The following KDM4B variants were observed in gnomAD, a reference collection of about 807,000 sequenced individuals.
KDM4B encodes the protein lysine demethylase 4B.
In KDM4B, 32 loss-of-function variants were observed where a neutral mutation model predicts 125.2. The observed-to-expected ratio is 0.26, with a 90% CI of 0.19 to 0.34. The LOEUF (loss-of-function observed/expected upper bound fraction) is 0.34. Among genes scored for constraint, KDM4B ranks in the 10% least tolerant of loss-of-function variants. The pLI, the probability that KDM4B is intolerant of heterozygous loss-of-function variation, is 1.00. For synonymous variants in KDM4B, 721 were observed against 677.9 expected, an observed-to-expected ratio of 1.06 and a Z score of -0.99; for missense variants, 1,190 against 1,577.7, an observed-to-expected ratio of 0.75 and a Z score of 4.16.
At chr19:5,111,576 G>A in intron 10 of KDM4B, 1 of 750,830 alleles carries the variant, frequency 1.3e-6, no homozygotes, top group Non-Finnish European at 2.4e-6. Context: ...CCCTCCTCTG[G>A]GAAGTGTCCA....
At chr19:5,019,650 G>A (rs552959404) in intron 2 of KDM4B, among the ~76,000 whole-genome samples, 10 of 148,462 alleles carry the variant, frequency 6.7e-5, no homozygotes, top group East Asian at 2.1e-4. Flanking sequence ...TTGTGTGGAC[G>A]TTGGTGTGCA....
intron 2 of KDM4B, among the ~76,000 whole-genome samples, chr19:5,021,565 C>T (rs931988989): frequency 3.3e-5 from 5 of 151,906 alleles, no homozygotes; most frequent in Non-Finnish European, 1.5e-5. Flanking sequence ...ACAGCAAGAC[C>T]CTGTTTCAAA....
intron 6 of KDM4B, among the ~76,000 whole-genome samples, chr19:5,056,008 C>A (rs527353934): frequency 1.3e-5 from 2 of 152,266 alleles, no homozygotes; most frequent in South Asian, 4.1e-4. Context: ...TCCCCTGAAC[C>A]CATCCGGGTC....
chr19:5,012,125 A>G (rs1462805708), intron 1 of KDM4B, among the ~76,000 whole-genome samples: 1 of 152,150 alleles, frequency 6.6e-6, no homozygotes, highest in East Asian at 1.9e-4. Flanking sequence ...CCTAGTGCCC[A>G]GATCTGCCTA....
intron 9 of KDM4B, among the ~76,000 whole-genome samples, chr19:5,086,295 G>A (rs576376682): frequency 5.3e-5 from 8 of 151,614 alleles, no homozygotes; most frequent in African/African-American, 1.9e-4. Flanking sequence ...AATTTTGGGT[G>A]TCTGTGTTCA....
At chr19:5,121,532 T>C (rs1161498008) in intron 11 of KDM4B, among the ~76,000 whole-genome samples, 1 of 152,030 alleles carries the variant, frequency 6.6e-6, no homozygotes, top group African/African-American at 2.4e-5. Flanking sequence ...AAACCCAATC[T>C]CGCCCCTCAT....
intron 9 of KDM4B, among the ~76,000 whole-genome samples, chr19:5,091,749 G>T (rs1421066657): frequency 6.6e-6 from 1 of 150,444 alleles, no homozygotes; most frequent in Non-Finnish European, 1.5e-5. Flanking sequence ...GAAGGCAGGG[G>T]CTGGGGAAGG....
chr19:5,008,360 C>T lies in KDM4B; in HGVS notation c.-108-7897C>T, dbSNP rs187441996. On this transcript the variant is annotated intron_variant, in intron 1 of 22. Coordinates refer to ENST00000159111, the MANE Select transcript of KDM4B (RefSeq NM_015015.3). ...TATTTCTGGACTCTCAGCTTTCTCC[C>T]GTTTATCTAATGTCTGTACTTATGC... 1.2e-4 allele frequency among the ~76,000 whole-genome samples: 18 copies of T among 152,266 alleles called. 1 individual carries two copies. Among genetic ancestry groups the T allele is most frequent in the Admixed American group, 9.2e-4 (14 of 15,298 alleles).
chr19:5,106,539 G>A (rs926245386), intron 9 of KDM4B, among the ~76,000 whole-genome samples: 12 of 152,150 alleles, frequency 7.9e-5, no homozygotes, highest in Non-Finnish European at 1.8e-4. Context: ...GGGGGATTCC[G>A]CAGGACCCAG....
At chr19:4,976,855 T>C (rs1317447772) in intron 1 of KDM4B, among the ~76,000 whole-genome samples, 1 of 152,232 alleles carries the variant, frequency 6.6e-6, no homozygotes, top group Non-Finnish European at 1.5e-5. Flanking sequence ...CTGAGCCAAG[T>C]AGGTCTTTGG....
In KDM4B at chr19:5,091,251, G is replaced by A. The variant is rs541441197; in HGVS notation, c.918+8747G>A. Among the ~76,000 whole-genome samples, 166 of 152,334 alleles carry A rather than the reference G, an allele frequency of 1.1e-3. 1 individual carries two copies. Among genetic ancestry groups the A allele is most frequent in the Admixed American group, 7.6e-3 (116 of 15,308 alleles). ...GCGGCATCCCGAAACACCCTGCCAC[G>A]GGGAGAGTTGACTGAGGATTAAACA... is the stretch of plus-strand genomic sequence containing the variant. On this transcript the variant is annotated intron_variant, in intron 9 of 22. Transcript: ENST00000159111.
At position 5,131,870 on chromosome 19, in the gene KDM4B, C is replaced by T. The variant is rs1413520054; in HGVS notation, c.1786-17C>T. On this transcript the variant is annotated splice_polypyrimidine_tract_variant and intron_variant, in intron 12 of 22. Transcript: ENST00000159111. The stretch of plus-strand genomic sequence containing the variant: ...GTCTGTAGCGGGGCCCTCACTACAG[C>T]CTGTTGTGTGTTTCAGGCACCGTCC... The T allele has an allele frequency of 1.9e-5, 30 of 1,612,728 alleles. No individual in the cohort carries two copies. The highest frequency in any genetic ancestry group is 2.2e-5 in the Non-Finnish European group (26 of 1,179,834).
intron 6 of KDM4B, among the ~76,000 whole-genome samples, chr19:5,062,775 G>GTTTTTT (rs34134889): frequency 4.5e-5 from 4 of 89,844 alleles, no homozygotes; most frequent in East Asian, 6.9e-4. Flanking sequence ...TAATTAAACT[G>GTTTTTT]TTTTTTTTTT....
chr19:5,073,999 T>C, intron 7 of KDM4B: 1 of 152,666 alleles, frequency 6.6e-6, no homozygotes, highest in Non-Finnish European at 1.5e-5. Context: ...TCTCAGCTAC[T>C]CAGGAGGCTG....
Position 5,114,127 on chromosome 19 carries a change from G to A in KDM4B, c.1115+3309G>A, listed in dbSNP as rs1482564578. 2 of 1,289,458 alleles carry A rather than the reference G, an allele frequency of 1.6e-6. No homozygotes were observed. Among genetic ancestry groups the A allele is most frequent in the Admixed American group, 2.3e-5 (1 of 43,558 alleles). The allele number at this position is 1,289,458 out of a possible 1,614,324, so 79.9% of individuals were successfully genotyped here. ...CTGTGCGTTCTGGTGCCCTGCCTGA[G>A]CCGGAGCCCTCACAGTGCTCTCTGG... On this transcript the variant is annotated intron_variant, in intron 10 of 22. Coordinates refer to ENST00000159111, the MANE Select transcript of KDM4B (RefSeq NM_015015.3). The surrounding 1 kb of genome is among the most constrained non-coding windows in gnomAD (Gnocchi z 5.8).
Position 4,971,688 on chromosome 19 carries a change from C to T in KDM4B, c.-109+2458C>T, listed in dbSNP as rs575401385. On this transcript the variant is annotated intron_variant, in intron 1 of 22. Coordinates refer to ENST00000159111, the MANE Select transcript of KDM4B (RefSeq NM_015015.3). The surrounding 1 kb of genome is among the most constrained non-coding windows in gnomAD (Gnocchi z 4.1). Reference sequence around the variant, plus strand: ...GTGAGCTGGCTGCCCAGGGCCTGGTCACAGCTGGAATGGTGGTGTGCAGTC... The same window carrying T: ...GTGAGCTGGCTGCCCAGGGCCTGGTTACAGCTGGAATGGTGGTGTGCAGTC... Among the ~76,000 whole-genome samples the T allele has an allele frequency of 1.3e-5, 2 of 152,202 alleles. No homozygotes were observed. Among genetic ancestry groups the T allele is most frequent in the Middle Eastern group, 6.8e-3 (2 of 294 alleles).
intron 2 of KDM4B, among the ~76,000 whole-genome samples, chr19:5,023,873 C>T (rs542222220): frequency 3.8e-4 from 56 of 146,538 alleles, no homozygotes; most frequent in Middle Eastern, 7.2e-3. Context: ...AAGGAATCCT[C>T]CTGCCTCAGC....
At chr19:5,016,854 C>T (rs911490774) in intron 2 of KDM4B, among the ~76,000 whole-genome samples, 1 of 152,190 alleles carries the variant, frequency 6.6e-6, no homozygotes, top group Non-Finnish European at 1.5e-5. Context: ...TCTTATAAGC[C>T]GGTGGCACAA....
intron 9 of KDM4B, among the ~76,000 whole-genome samples, chr19:5,097,378 G>A (rs1312211606): frequency 6.6e-6 from 1 of 152,198 alleles, no homozygotes; most frequent in Non-Finnish European, 1.5e-5. Context: ...AGCCTCCCGG[G>A]TAGCTGGGAC....
Sources: allele counts gnomAD v4.1 joint callset (sites outside exome capture counted in the v4.1 genomes callset), GRCh38; gene constraint gnomAD v4.1.1; non-coding constraint Gnocchi (gnomAD v3.1); transcripts MANE v1.5; gene names NCBI Gene and HGNC (gene_info 2026-07-23, HGNC 2026-07-21).